Variants in TTC3 observed in about 807,000 individuals in gnomAD.
TTC3 encodes E3 ubiquitin-protein ligase TTC3.
Under a neutral mutation model 249.6 loss-of-function variants are expected in TTC3, and 180 were observed. The ratio of observed to expected loss-of-function variants is 0.72; its 90% CI spans 0.64 to 0.82. The LOEUF (loss-of-function observed/expected upper bound fraction) is 0.82. Among genes scored for constraint, TTC3 ranks in the 40% least tolerant of loss-of-function variants. The probability of loss-of-function intolerance (pLI) is 0.00; values close to 1 mark genes in which losing one functional copy is unlikely to be tolerated. For synonymous variants in TTC3, 717 were observed against 805.0 expected (o/e 0.89, Z 1.85); for missense variants, 2,061 against 2,398.4 (o/e 0.86, Z 2.94).
At chr21:37,197,417 ATAGT>A (rs1479121361) in intron 42 of TTC3, among the ~76,000 whole-genome samples, 149 bp from the exon 43 acceptor site, 1 of 151,786 alleles carries the variant, frequency 6.6e-6, no homozygotes, top group African/African-American at 2.4e-5. Flanking sequence ...TGCTTTTTAG[ATAGT>A]TATTGTTGTT....
intron 10 of TTC3, among the ~76,000 whole-genome samples, chr21:37,107,457 C>G (rs2075193326): frequency 6.6e-6 from 1 of 151,996 alleles, no homozygotes; most frequent in African/African-American, 2.4e-5. Flanking sequence ...GATAAGGAAG[C>G]CAGGAAACTG....
intron 8 of TTC3, among the ~76,000 whole-genome samples, chr21:37,095,066 A>G (rs2073768722): frequency 2.0e-5 from 3 of 151,706 alleles, no homozygotes; most frequent in African/African-American, 7.3e-5. Context: ...GGCCTGGGAG[A>G]TGGAGGCTGC....
At chr21:37,150,967 C>G in intron 25 of TTC3, 83 bp downstream of exon 25, 1 of 1,031,352 alleles carries the variant, frequency 9.7e-7, no homozygotes, top group Non-Finnish European at 1.4e-6. Context: ...TAAATTATGC[C>G]TTTTTAAAAA....
intron 17 of TTC3, among the ~76,000 whole-genome samples, chr21:37,134,181 G>C (rs182435073): frequency 6.6e-6 from 1 of 152,264 alleles, no homozygotes; most frequent in East Asian, 1.9e-4. Context: ...GCCGGGTGCA[G>C]GGTCTCACAC....
chr21:37,174,142 G>T (rs2082039773), intron 35 of TTC3, among the ~76,000 whole-genome samples: 1 of 152,152 alleles, frequency 6.6e-6, no homozygotes, highest in East Asian at 1.9e-4. Context: ...TGTGTTCTGT[G>T]TGCACAGTTC....
chr21:37,141,952 C>A (rs1050650189), intron 20 of TTC3, among the ~76,000 whole-genome samples: 1 of 152,156 alleles, frequency 6.6e-6, no homozygotes, highest in African/African-American at 2.4e-5. Flanking sequence ...TCAACATACA[C>A]AAATCAATAA....
At chr21:37,117,071 A>C (rs1451708632) in intron 11 of TTC3, among the ~76,000 whole-genome samples, 1 of 152,168 alleles carries the variant, frequency 6.6e-6, no homozygotes, top group Non-Finnish European at 1.5e-5. Flanking sequence ...TATAAATATC[A>C]CATGATTAAA....
chr21:37,126,297 G>A (rs892340293), intron 15 of TTC3, among the ~76,000 whole-genome samples, 154 bp downstream of exon 15: 3 of 152,008 alleles, frequency 2.0e-5, no homozygotes, highest in African/African-American at 7.3e-5. Flanking sequence ...ATATTTATTT[G>A]AAATCAATGC....
At chr21:37,153,449 A>G (rs185554575) in intron 27 of TTC3, 172 bp downstream of exon 27, 358 of 632,330 alleles carry the variant, frequency 5.7e-4, no homozygotes, top group Non-Finnish European at 8.3e-4. Context: ...CGGAGGCAGG[A>G]TGATTGCTTA....
chr21:37,091,553 G>A (rs2073263896), intron 7 of TTC3, 140 bp downstream of exon 7: 4 of 341,482 alleles, frequency 1.2e-5, no homozygotes, highest in Admixed American at 1.1e-4. Flanking sequence ...CTGAAAAAGA[G>A]AATTTCTTTT....
chr21:37,172,459 T>C (rs1337209171), intron 34 of TTC3, 136 bp from the exon 35 acceptor site: 1 of 959,864 alleles, frequency 1.0e-6, no homozygotes, highest in Non-Finnish European at 1.5e-6. Context: ...AATTCCTGAA[T>C]GATTGTGACA....
At chr21:37,160,693 A>T (rs1411473049) in intron 29 of TTC3, 109 bp from the exon 30 acceptor site, 15 of 1,108,222 alleles carry the variant, frequency 1.4e-5, no homozygotes, top group Non-Finnish European at 1.8e-5. Flanking sequence ...TAAACATTTT[A>T]TGTACATTTA....
chr21:37,081,186 T>A (rs1161844075), intron 1 of TTC3, among the ~76,000 whole-genome samples: 1 of 144,466 alleles, frequency 6.9e-6, no homozygotes, highest in Non-Finnish European at 1.5e-5. Context: ...GGCGCCATCT[T>A]GGCTCATTGC....
intron 13 of TTC3, among the ~76,000 whole-genome samples, chr21:37,124,109 G>GTTATTTT (rs1167142816): frequency 3.8e-5 from 1 of 26,158 alleles, no homozygotes; most frequent in African/African-American, 1.5e-4. Context: ...TTTTTGAACT[G>GTTATTTT]TTCTTTTTTT....
chr21:37,117,835 CAAAA>C (rs60664616), intron 11 of TTC3, among the ~76,000 whole-genome samples: 908 of 73,446 alleles, frequency 0.012, 12 homozygotes, highest in African/African-American at 0.036. Flanking sequence ...TGCGCCACTT[CAAAA>C]AAAAAAAAAA....
At chr21:37,157,716 C>G (rs1271876243) in intron 28 of TTC3, among the ~76,000 whole-genome samples, 1 of 152,146 alleles carries the variant, frequency 6.6e-6, no homozygotes, top group Non-Finnish European at 1.5e-5. Context: ...GGCATGGAGT[C>G]CAGCTTGAAC....
At chr21:37,105,175 G>T (rs1390897696) in intron 10 of TTC3, among the ~76,000 whole-genome samples, 1 of 152,162 alleles carries the variant, frequency 6.6e-6, no homozygotes, top group East Asian at 1.9e-4. Flanking sequence ...CTAACCTTAG[G>T]GGGAGCTGTC....
chr21:37,106,224 C>T (rs2075066144), intron 10 of TTC3, among the ~76,000 whole-genome samples: 1 of 152,050 alleles, frequency 6.6e-6, no homozygotes, highest in South Asian at 2.1e-4. Flanking sequence ...TTGTGAAGTG[C>T]CTGTTGAAGT....
intron 36 of TTC3, among the ~76,000 whole-genome samples, chr21:37,185,487 A>T (rs576773992): frequency 5.8e-4 from 88 of 152,288 alleles, no homozygotes; most frequent in Admixed American, 5.6e-3. Flanking sequence ...TATGACTTAG[A>T]GTGAAGAAAA....
Sources: gnomAD v4.1 joint callset for allele counts (sites outside exome capture counted in the v4.1 genomes callset) on GRCh38, gnomAD v4.1.1 for gene constraint, MANE v1.5 for transcripts, NCBI Gene and HGNC (gene_info 2026-07-23, HGNC 2026-07-21) for gene names.